The following ZNF532 variants were observed in gnomAD, a reference collection of about 807,000 sequenced individuals.
The protein encoded by ZNF532 is zinc finger protein 532.
Under a neutral mutation model 89.3 loss-of-function variants are expected in ZNF532, and 22 were observed. The ratio of observed to expected loss-of-function variants is 0.25; its 90% CI spans 0.18 to 0.35. The LOEUF is 0.35. Ranked by LOEUF, ZNF532 falls within the 10% of genes least tolerant of loss-of-function variation. ZNF532 has a pLI of 1.00. For synonymous variants in ZNF532, 606 were observed against 649.6 expected, an observed-to-expected ratio of 0.93 and a Z score of 1.02; for missense variants, 1,132 against 1,643.4, an observed-to-expected ratio of 0.69 and a Z score of 5.38.
At chr18:58,880,867 G>C (rs1255469761) in intron 2 of ZNF532, among the ~76,000 whole-genome samples, 1 of 149,296 alleles carries the variant, frequency 6.7e-6, no homozygotes, top group Non-Finnish European at 1.5e-5. Context: ...TTTTGGAAAA[G>C]ATTAAGCACA....
At chr18:58,886,174 T>C (rs2058289884) in intron 2 of ZNF532, among the ~76,000 whole-genome samples, 1 of 152,048 alleles carries the variant, frequency 6.6e-6, no homozygotes, top group Non-Finnish European at 1.5e-5. Flanking sequence ...AGAGACAGGG[T>C]TTCACCACAT....
chr18:58,919,304 A>T lies in ZNF532; in HGVS notation c.1017A>T (p.Ser339=). 1 of 1,613,212 alleles carries T rather than the reference A, an allele frequency of 6.2e-7. No individual in the cohort carries two copies. ...LKQPDSPRSI[S]SENSSKGSPS... ...AACCGGATAGTCCCAGAAGCATCTC[A>T]AGTGAGAACAGCAGCAAAGGATCCC... The change falls in exon 3 of 10, where the codon TCA becomes TCT. Residue 339 remains serine (S), a synonymous_variant. Transcript: ENST00000591808. The surrounding 1 kb of genome is among the most constrained non-coding windows in gnomAD (Gnocchi z 6.1).
chr18:58,874,268 T>A (rs1424024130), intron 2 of ZNF532, among the ~76,000 whole-genome samples: 1 of 152,202 alleles, frequency 6.6e-6, no homozygotes, highest in Non-Finnish European at 1.5e-5. Context: ...GGGTAGTGTA[T>A]TTGTTCCTAC....
intron 2 of ZNF532, among the ~76,000 whole-genome samples, chr18:58,878,315 C>G (rs764758075): frequency 6.6e-6 from 1 of 152,178 alleles, no homozygotes; most frequent in Admixed American, 6.5e-5. Context: ...CAGAGGACAT[C>G]AGAAGGCCAA....
intron 6 of ZNF532, among the ~76,000 whole-genome samples, chr18:58,951,378 T>TA (rs1244604277): frequency 6.6e-6 from 1 of 152,214 alleles, no homozygotes; most frequent in Non-Finnish European, 1.5e-5. Context: ...TTCTTCAGCT[T>TA]ATCAGTTAGT....
chr18:58,911,585 C>T (rs188129546), intron 2 of ZNF532, among the ~76,000 whole-genome samples: 2 of 152,198 alleles, frequency 1.3e-5, no homozygotes, highest in East Asian at 1.9e-4. Flanking sequence ...CTGAGTGTGG[C>T]GGTGCTTGTA....
intron 3 of ZNF532, 42 bp from the exon 4 acceptor site, chr18:58,934,391 A>T (rs564108016): frequency 6.3e-7 from 1 of 1,578,210 alleles, no homozygotes; most frequent in Admixed American, 1.7e-5. Context: ...ATTAGAAAGT[A>T]CTTAGTAGGA....
At chr18:58,898,131 A>C (rs2059367379) in intron 2 of ZNF532, among the ~76,000 whole-genome samples, 1 of 152,242 alleles carries the variant, frequency 6.6e-6, no homozygotes, top group Non-Finnish European at 1.5e-5. Context: ...GTTATTTCTA[A>C]ATAATGTGCT....
At chr18:58,913,771 G>T (rs970461824) in intron 2 of ZNF532, among the ~76,000 whole-genome samples, 2 of 152,176 alleles carry the variant, frequency 1.3e-5, no homozygotes, top group African/African-American at 4.8e-5. Flanking sequence ...ATACTGCCAA[G>T]ATGGTCAGTA....
At chr18:58,965,120 A>G (rs2065793922) in intron 7 of ZNF532, among the ~76,000 whole-genome samples, 2 of 152,064 alleles carry the variant, frequency 1.3e-5, no homozygotes, top group South Asian at 2.1e-4. Context: ...TTGATTTAAT[A>G]AGAACTTTTT....
At chr18:58,897,062 G>A (rs962978448) in intron 2 of ZNF532, among the ~76,000 whole-genome samples, 15 of 151,856 alleles carry the variant, frequency 9.9e-5, no homozygotes, top group African/African-American at 3.6e-4. Context: ...TTTTTCCCCC[G>A]GGGCTTGAAC....
At chr18:58,943,612 G>C in intron 5 of ZNF532, among the ~76,000 whole-genome samples, 1 of 152,116 alleles carries the variant, frequency 6.6e-6, no homozygotes, top group Admixed American at 6.5e-5. Flanking sequence ...ACAGGCACGC[G>C]CCACCATGTC....
At chr18:58,951,781 A>C (rs909629833) in intron 6 of ZNF532, among the ~76,000 whole-genome samples, 2 of 151,114 alleles carry the variant, frequency 1.3e-5, no homozygotes, top group Non-Finnish European at 1.5e-5. Flanking sequence ...TCCCAAGTAG[A>C]TGGGACTACA....
At chr18:58,900,670 C>T (rs928495107) in intron 2 of ZNF532, among the ~76,000 whole-genome samples, 1 of 152,204 alleles carries the variant, frequency 6.6e-6, no homozygotes, top group African/African-American at 2.4e-5. Flanking sequence ...GATGCCTCAC[C>T]TTGGCTTTGA....
Position 58,918,480 on chromosome 18 carries a change from G to A in ZNF532, c.193G>A (p.Val65Ile), listed in dbSNP as rs777229804. Residue 65 changes from valine to isoleucine, a missense_variant, in exon 3 of 10, where the codon GTC becomes ATC. Physicochemically the swap from Val to Ile is conservative, Grantham distance 29 (BLOSUM62 3). This residue lies in a region of ZNF532 where 302 missense variants were observed against 319.8 expected (regional missense o/e 0.94). Coordinates refer to ENST00000591808, the MANE Select transcript of ZNF532 (RefSeq NM_001375912.1). ...SSSDVGVSVI[V>I]KNVRNIDSSE... ...TTCTGATGTGGGTGTCAGCGTTATC[G>A]TCAAGAATGTTCGGAACATTGACTC... The A allele has an allele frequency of 2.5e-6, 4 of 1,614,128 alleles. No individual in the cohort carries two copies. Among genetic ancestry groups the A allele is most frequent in the East Asian group, 2.2e-5 (1 of 44,870 alleles).
At chr18:58,930,971 G>A (rs2061911083) in intron 3 of ZNF532, among the ~76,000 whole-genome samples, 1 of 152,152 alleles carries the variant, frequency 6.6e-6, no homozygotes, top group East Asian at 1.9e-4. Context: ...GCAAAGCGTG[G>A]AATGTGGGTA....
At chr18:58,884,730 C>T (rs2058165802) in intron 2 of ZNF532, among the ~76,000 whole-genome samples, 1 of 152,004 alleles carries the variant, frequency 6.6e-6, no homozygotes. Context: ...TAAGTAACTT[C>T]TTAGTTTTGA....
intron 2 of ZNF532, among the ~76,000 whole-genome samples, chr18:58,899,248 A>G (rs1046695665): frequency 3.3e-5 from 5 of 152,216 alleles, no homozygotes; most frequent in Admixed American, 6.5e-5. Context: ...CTTAGCAAAT[A>G]AAAAATACAA....
At chr18:58,973,184 C>G (rs1427950915) in intron 7 of ZNF532, among the ~76,000 whole-genome samples, 1 of 152,226 alleles carries the variant, frequency 6.6e-6, no homozygotes, top group Non-Finnish European at 1.5e-5. Flanking sequence ...CTCACTGCAA[C>G]TGCTGCTTAC....
Sources: gnomAD v4.1 joint callset for allele counts (sites outside exome capture counted in the v4.1 genomes callset) on GRCh38, gnomAD v4.1.1 for gene constraint, gnomAD v4.1.1 regional missense constraint, Gnocchi (gnomAD v3.1) non-coding constraint, MANE v1.5 for transcripts, NCBI Gene and HGNC (gene_info 2026-07-23, HGNC 2026-07-21) for gene names.